SH3TC1: variants seen among roughly 807,000 people sequenced by gnomAD.
The protein encoded by SH3TC1 is SH3 domain and tetratricopeptide repeat-containing protein 1.
SH3TC1 carries 135 observed loss-of-function variants against 117.3 expected under a neutral mutation model. That is an observed-to-expected ratio of 1.15 (90% confidence interval 1.00 to 1.33). The LOEUF is 1.33. Among genes scored for constraint, SH3TC1 ranks in the 40% most tolerant of loss-of-function variants. The pLI is 0.00. For missense variants in SH3TC1, 2,092 were observed against 1,794.3 expected, an observed-to-expected ratio of 1.17 and a Z score of -3.00; for synonymous variants, 898 against 816.9, an observed-to-expected ratio of 1.10 and a Z score of -1.69.
intron 1 of SH3TC1, among the ~76,000 whole-genome samples, chr4:8,193,857 G>A (rs551697564): frequency 2.0e-5 from 3 of 152,330 alleles, no homozygotes; most frequent in East Asian, 1.9e-4. Flanking sequence ...GGGCAGGTCC[G>A]GATCACCTTC....
At chr4:8,218,596 C>T (rs1464836545) in intron 8 of SH3TC1, among the ~76,000 whole-genome samples, 1 of 152,214 alleles carries the variant, frequency 6.6e-6, no homozygotes, top group Non-Finnish European at 1.5e-5. Flanking sequence ...GGTGCAGCGT[C>T]ATAGGATGCT....
intron 5 of SH3TC1, 42 bp downstream of exon 5, chr4:8,214,622 G>A (rs199928088): frequency 2.1e-5 from 31 of 1,489,726 alleles, no homozygotes; most frequent in African/African-American, 4.1e-5. Context: ...GGGGACGCCC[G>A]TCGGAAGGTG....
intron 5 of SH3TC1, chr4:8,215,212 C>CG: frequency 2.2e-6 from 1 of 456,250 alleles, no homozygotes. Flanking sequence ...CAGTGCTGAC[C>CG]GGGAAAGCTG....
intron 1 of SH3TC1, among the ~76,000 whole-genome samples, chr4:8,185,963 A>G (rs1717207031): frequency 6.6e-6 from 1 of 152,194 alleles, no homozygotes; most frequent in Non-Finnish European, 1.5e-5. Flanking sequence ...CTGCCACTCC[A>G]GGAGGTGCCA....
chr4:8,203,749 T>C (rs1003340188), intron 1 of SH3TC1, among the ~76,000 whole-genome samples: 7 of 151,930 alleles, frequency 4.6e-5, no homozygotes, highest in Admixed American at 6.6e-5. Flanking sequence ...GGCTTGAAGC[T>C]CCCAGGGGTG....
rs1211802390 is a variant in SH3TC1, at chr4:8,236,418, C to T, written c.3546C>T (p.Ser1182=). The T allele has an allele frequency of 6.7e-7, 1 of 1,493,498 alleles. No homozygotes were observed. The highest frequency in any genetic ancestry group is 2.6e-5 in the East Asian group (1 of 38,054). 92.5% of individuals were successfully genotyped at this position (1,493,498 alleles called of 1,614,324 possible). The change falls in exon 16 of 18, where the codon AGC becomes AGT. Residue 1182 remains serine, a synonymous_variant. Coordinates refer to ENST00000245105, the MANE Select transcript of SH3TC1 (RefSeq NM_018986.5). ...TTGCCCACATGGCCCTAGCACTCAG[C>T]ATCACCCTGGGTAAGCCCCCTGAGC... ...LEFAHMALAL[S]ITLGDRLNER...
chr4:8,229,523 A>G (rs1578731060), intron 12 of SH3TC1, among the ~76,000 whole-genome samples: 1 of 48,322 alleles, frequency 2.1e-5, no homozygotes, highest in African/African-American at 8.6e-5. Flanking sequence ...GTGAGCGGGG[A>G]TGAGTGGGGT....
At chr4:8,236,231 C>T in intron 15 of SH3TC1, 47 bp from the exon 16 acceptor site, 2 of 1,506,096 alleles carry the variant, frequency 1.3e-6, no homozygotes, top group East Asian at 2.5e-5. Context: ...GGGCGCTGGG[C>T]AAGGTGGGTG....
At position 8,212,847 on chromosome 4, in the gene SH3TC1, C is replaced by A; in HGVS notation, c.375+19C>A. On this transcript the variant is annotated intron_variant, in intron 4 of 17. Transcript: ENST00000245105. ...GCTTGGGGTGAGTAGCCCTCTGGGG[C>A]CTGCTCAGGGATGGGAGCTGGAGTC... is the stretch of plus-strand genomic sequence containing the variant. 1.3e-6 allele frequency: 2 copies of A among 1,543,496 alleles called. No homozygotes were observed. The highest frequency in any genetic ancestry group is 1.8e-6 in the Non-Finnish European group (2 of 1,142,612).
At chr4:8,196,046 C>G (rs904078120), upstream of SH3TC1, among the ~76,000 whole-genome samples, 1 of 152,252 alleles carries the variant, frequency 6.6e-6, no homozygotes, top group Non-Finnish European at 1.5e-5. This position sits in a 1 kb window ranked among gnomAD's most constrained non-coding sequence, Gnocchi z 4.6. Flanking sequence ...GAGCGCAGCC[C>G]CTCTGTGCTC....
chr4:8,239,615 T>C (rs1468867688), intron 17 of SH3TC1, among the ~76,000 whole-genome samples: 3 of 150,766 alleles, frequency 2.0e-5, no homozygotes, highest in African/African-American at 2.4e-5. Context: ...CACACAGGCA[T>C]ACACGGACAC....
chr4:8,227,505 A>T lies in SH3TC1; in HGVS notation c.1811A>T (p.Tyr604Phe). The change falls in exon 12 of 18, where the codon TAC becomes TTC. Residue 604 changes from tyrosine to phenylalanine, a missense_variant. Coordinates refer to ENST00000245105, the MANE Select transcript of SH3TC1 (RefSeq NM_018986.5). ...FGDLFLVVAV[Y>F]ANLASIYRKQ... Reference sequence around the variant, plus strand: ...GACCTGTTCCTAGTGGTGGCTGTGTACGCCAACCTGGCCAGCATTTACCGG... The same window carrying T: ...GACCTGTTCCTAGTGGTGGCTGTGTTCGCCAACCTGGCCAGCATTTACCGG... 3.9e-6 allele frequency: 6 copies of T among 1,553,718 alleles called. No homozygotes were observed. In the South Asian group the frequency reaches 7.5e-5, roughly 19 times the overall value.
At chr4:8,211,402 T>TTGTCTCCCTTCTCCCTC (rs1272217939) in intron 3 of SH3TC1, among the ~76,000 whole-genome samples, 11 of 340 alleles carry the variant, frequency 0.032, 4 homozygotes, top group Admixed American at 0.13. Flanking sequence ...CCCTCTTCCT[T>TTGTCTCCCTTCTCCCTC]CCTCTCCCCC....
intron 1 of SH3TC1, among the ~76,000 whole-genome samples, chr4:8,184,644 AC>A (rs758797994): frequency 6.6e-6 from 1 of 152,040 alleles, no homozygotes; most frequent in Non-Finnish European, 1.5e-5. Flanking sequence ...CTCCCAAAGT[AC>A]TGGGATTACA....
chr4:8,185,838 G>A (rs932493930), intron 1 of SH3TC1, among the ~76,000 whole-genome samples: 3 of 152,202 alleles, frequency 2.0e-5, no homozygotes, highest in Admixed American at 6.5e-5. Context: ...GGGTTGCTGG[G>A]CAAAGGGTCA....
Position 8,205,680 on chromosome 4 carries a change from C to A in SH3TC1, c.172+314C>A. The A allele has an allele frequency of 1.3e-6, 1 of 746,830 alleles. No individual in the cohort carries two copies. Among genetic ancestry groups the A allele is most frequent in the Non-Finnish European group, 2.4e-6 (1 of 408,486 alleles). 46.3% of individuals were successfully genotyped at this position (746,830 alleles called of 1,614,324 possible). On this transcript the variant is annotated intron_variant, in intron 2 of 17. Transcript: ENST00000245105. The surrounding 1 kb of genome is among the most constrained non-coding windows in gnomAD (Gnocchi z 5.4). ...TTCAGAGACCGTTCCAGAAACAGTC[C>A]GATGGGTTTGGCCTTGGAACCCCTG...
rs575073324 is a variant in SH3TC1 at position 8,183,132 on chromosome 4, C to T, written c.-57+922C>T. Among the ~76,000 whole-genome samples, 3 of 152,158 alleles carry T rather than the reference C, an allele frequency of 2.0e-5. No homozygotes were observed. Among genetic ancestry groups the T allele is most frequent in the Non-Finnish European group, 2.9e-5 (2 of 68,024 alleles). ...GTTTCTCAGCATGCCATCCGCCTGG[C>T]GACCTTGCCTCCCTCTCCCGCTGGG... is the stretch of plus-strand genomic sequence containing the variant. On this transcript the variant is annotated intron_variant, in intron 1 of 16. Coordinates refer to the SH3TC1 transcript ENST00000508641. The surrounding 1 kb of genome is among the most constrained non-coding windows in gnomAD (Gnocchi z 5.4).
At chr4:8,195,393 C>T (rs1399403166), upstream of SH3TC1, among the ~76,000 whole-genome samples, 2 of 152,160 alleles carry the variant, frequency 1.3e-5, no homozygotes, top group Non-Finnish European at 2.9e-5. Flanking sequence ...GCTTCTGCCC[C>T]AGTGTCTGCA....
intron 13 of SH3TC1, chr4:8,233,001 A>G (rs762239539): frequency 2.1e-4 from 251 of 1,198,002 alleles, no homozygotes; most frequent in Non-Finnish European, 2.6e-4. Context: ...CCTCTGGATG[A>G]CTGTGATGCC....
Sources: allele counts gnomAD v4.1 joint callset (sites outside exome capture counted in the v4.1 genomes callset), GRCh38; gene constraint gnomAD v4.1.1; non-coding constraint Gnocchi (gnomAD v3.1); transcripts MANE v1.5; gene names NCBI Gene and HGNC (gene_info 2026-07-23, HGNC 2026-07-21).